DAB1: variants seen among roughly 807,000 people sequenced by gnomAD.
DAB1 encodes DAB adaptor protein 1.
DAB1 carries 15 observed loss-of-function variants against 64.6 expected under a neutral mutation model. That is an observed-to-expected ratio of 0.23 (90% CI 0.16 to 0.36). The LOEUF (loss-of-function observed/expected upper bound fraction) is 0.36, where lower values mean the gene tolerates loss of function less well. Among genes scored for constraint, DAB1 ranks in the 10% least tolerant of loss-of-function variants. The pLI is 1.00. For synonymous variants in DAB1, 235 were observed against 251.9 expected, an observed-to-expected ratio of 0.93 and a Z score of 0.64; for missense variants, 596 against 706.7, an observed-to-expected ratio of 0.84 and a Z score of 1.78.
At chr1:58,292,959 C>G (rs759626584) in intron 4 of DAB1, among the ~76,000 whole-genome samples, 2 of 151,900 alleles carry the variant, frequency 1.3e-5, no homozygotes, top group African/African-American at 4.8e-5. Flanking sequence ...TCTATGCTTG[C>G]GAATGGTGAA....
chr1:58,260,651 C>CT (rs1278958959), intron 4 of DAB1, among the ~76,000 whole-genome samples: 7 of 152,178 alleles, frequency 4.6e-5, no homozygotes, highest in African/African-American at 7.2e-5. Flanking sequence ...CTCAAAAGTG[C>CT]TTTTTTAAAA....
chr1:57,705,779 C>A (rs1646959138), intron 6 of DAB1, among the ~76,000 whole-genome samples: 1 of 151,848 alleles, frequency 6.6e-6, no homozygotes, highest in Non-Finnish European at 1.5e-5. Context: ...TCTCTCCTAT[C>A]AGAAATATGA....
chr1:57,306,335 T>G (rs1674168471), intron 1 of DAB1, among the ~76,000 whole-genome samples: 1 of 152,194 alleles, frequency 6.6e-6, no homozygotes, highest in Admixed American at 6.5e-5. Context: ...GGTCTTCTAT[T>G]TCTCTTGCAT....
At chr1:57,710,384 TAAAGAA>T (rs1174216010) in intron 6 of DAB1, among the ~76,000 whole-genome samples, 11 of 152,196 alleles carry the variant, frequency 7.2e-5, no homozygotes, top group Admixed American at 7.2e-4. Flanking sequence ...TCTGAGTTCT[TAAAGAA>T]AAAGTTTTCA....
intron 4 of DAB1, among the ~76,000 whole-genome samples, chr1:58,298,324 TCTTTA>T (rs1316139388): frequency 2.6e-5 from 4 of 152,328 alleles, no homozygotes; most frequent in South Asian, 2.1e-4. Context: ...TCCACCACTG[TCTTTA>T]CTTTACTTTC....
At chr1:57,236,748 G>A (rs146562879) in intron 2 of DAB1, among the ~76,000 whole-genome samples, 1 of 152,164 alleles carries the variant, frequency 6.6e-6, no homozygotes, top group Non-Finnish European at 1.5e-5. Flanking sequence ...ACATCACTCT[G>A]ATGCCATGGT....
At chr1:58,186,287 G>C (rs1196892243) in intron 4 of DAB1, among the ~76,000 whole-genome samples, 2 of 152,160 alleles carry the variant, frequency 1.3e-5, no homozygotes, top group African/African-American at 4.8e-5. Flanking sequence ...AGCTTTTCCT[G>C]CCCATAGTGT....
chr1:57,961,532 T>C (rs973594067), intron 5 of DAB1, among the ~76,000 whole-genome samples: 1 of 152,004 alleles, frequency 6.6e-6, no homozygotes, highest in African/African-American at 2.4e-5. Flanking sequence ...TTCTCAAGAG[T>C]CACTTCCTAA....
intron 1 of DAB1, among the ~76,000 whole-genome samples, chr1:57,831,537 CTTT>C (rs5774372): frequency 4.5e-4 from 50 of 112,298 alleles, no homozygotes; most frequent in African/African-American, 1.5e-3. Flanking sequence ...ATTTTCTTCT[CTTT>C]TTTTTTTTTT....
At chr1:57,355,373 GTTCCTTCCTTCC>G (rs890908744) in intron 1 of DAB1, among the ~76,000 whole-genome samples, 60 of 132,466 alleles carry the variant, frequency 4.5e-4, no homozygotes, top group African/African-American at 1.6e-3. Context: ...TCCTTCCTTC[GTTCCTTCCTTCC>G]TTCCTTCCGT....
intron 1 of DAB1, among the ~76,000 whole-genome samples, chr1:57,303,091 T>C (rs1488188970): frequency 2.0e-5 from 3 of 152,210 alleles, no homozygotes; most frequent in Non-Finnish European, 4.4e-5. Flanking sequence ...TGTAGACGAC[T>C]GAGATAATGA....
chr1:57,312,074 G>T lies in DAB1; in HGVS notation c.-136-20908C>A, dbSNP rs117724835. ...AGTTGTTCCTTCATAACTGACTGTT[G>T]TTACTCTCTGTCAAAAGAAAGGTGA... On this transcript the variant is annotated intron_variant, in intron 1 of 14. Transcript: ENST00000371236. Among the ~76,000 whole-genome samples, 46 of 152,286 alleles carry T rather than the reference G, an allele frequency of 3.0e-4. 1 individual carries two copies. In the East Asian group the frequency reaches 8.3e-3, roughly 28 times the overall value.
At chr1:57,288,859 T>A (rs1472733917) in intron 2 of DAB1, among the ~76,000 whole-genome samples, 1 of 152,210 alleles carries the variant, frequency 6.6e-6, no homozygotes, top group African/African-American at 2.4e-5. Flanking sequence ...ATTTAATACA[T>A]GCCAAGTAAT....
At position 57,208,244 on chromosome 1, in the gene DAB1, A is replaced by ATATGTCAAGGGCTGCTCCCAAG. The variant is rs151289305; in HGVS notation, c.68-62837_68-62816dup. The stretch of plus-strand genomic sequence containing the variant: ...ATTTATACACTAATTTCTAAGAGTC[A>ATATGTCAAGGGCTGCTCCCAAG]TATGTCAAGGGCTGCTCCCAAGTAT... On this transcript the variant is annotated intron_variant, in intron 2 of 14. Transcript: ENST00000371236. Among the ~76,000 whole-genome samples the ATATGTCAAGGGCTGCTCCCAAG allele has an allele frequency of 8.3e-3, 1,269 of 152,286 alleles. 30 individuals are homozygous for ATATGTCAAGGGCTGCTCCCAAG. The East Asian group carries it at 0.092, about 11-fold the overall frequency.
At chr1:57,325,681 A>T (rs2100778973) in intron 1 of DAB1, among the ~76,000 whole-genome samples, 1 of 152,298 alleles carries the variant, frequency 6.6e-6, no homozygotes, top group East Asian at 1.9e-4. Context: ...GAGTGAAGCC[A>T]GTCATTGTAA....
At chr1:57,302,506 G>A (rs61767398) in intron 1 of DAB1, among the ~76,000 whole-genome samples, 24,041 of 151,984 alleles carry the variant, frequency 0.16, 3,161 homozygotes, top group African/African-American at 0.37. Context: ...GGCAGCTCCC[G>A]AATGGGAGCT....
rs550838952 is a variant in DAB1, at chr1:58,002,563, C to A, written n.388-118401G>T. 1.2e-4 allele frequency among the ~76,000 whole-genome samples: 19 copies of A among 152,206 alleles called. No homozygotes were observed. The South Asian group carries it at 2.3e-3, about 18-fold the overall frequency. On this transcript the variant is annotated intron_variant and non_coding_transcript_variant, in intron 5 of 20. Transcript: ENST00000485760. ...GGCTCTTTATCTGTGAGGTTCTGTACATTGATCACACTTCTGAGTCATTTT... is the reference window on the plus strand; with the variant it reads ...GGCTCTTTATCTGTGAGGTTCTGTAAATTGATCACACTTCTGAGTCATTTT...
At chr1:58,013,121 C>T (rs1248397046) in intron 5 of DAB1, among the ~76,000 whole-genome samples, 1 of 152,122 alleles carries the variant, frequency 6.6e-6, no homozygotes, top group Admixed American at 6.6e-5. Context: ...GGCACAGTCT[C>T]GTCAGTCTGT....
chr1:57,786,288 C>G (rs1650335700), intron 6 of DAB1, among the ~76,000 whole-genome samples: 1 of 152,126 alleles, frequency 6.6e-6, no homozygotes, highest in African/African-American at 2.4e-5. Context: ...TGTGGCCTGG[C>G]ACTGAACCCA....
Sources: allele counts gnomAD v4.1 joint callset (sites outside exome capture counted in the v4.1 genomes callset), GRCh38; gene constraint gnomAD v4.1.1; transcripts MANE v1.5; gene names NCBI Gene and HGNC (gene_info 2026-07-23, HGNC 2026-07-21).